Variants in AKAP7 observed in about 807,000 individuals in gnomAD.
AKAP7 encodes A-kinase anchoring protein 7, also known as A kinase (PRKA) anchor protein 7.
AKAP7 carries 39 observed loss-of-function variants against 39.5 expected under a neutral mutation model. That is an observed-to-expected ratio of 0.99 (90% CI 0.76 to 1.29). The LOEUF (loss-of-function observed/expected upper bound fraction) is 1.29, where lower values mean the gene tolerates loss of function less well. Ranked by LOEUF, AKAP7 falls within the 50% of genes most tolerant of loss-of-function variation. The pLI is 0.00. For missense variants in AKAP7, 414 were observed against 407.7 expected (o/e 1.02, Z -0.13); for synonymous variants, 140 against 139.1 (o/e 1.01, Z -0.05).
At chr6:131,248,445 A>G (rs751878852) in intron 7 of AKAP7, among the ~76,000 whole-genome samples, 8 of 152,226 alleles carry the variant, frequency 5.3e-5, no homozygotes, top group African/African-American at 9.6e-5. Context: ...CGTTCCCTGC[A>G]AATACATCTT....
chr6:131,231,231 AT>A (rs1225512165), intron 7 of AKAP7, among the ~76,000 whole-genome samples: 1 of 152,212 alleles, frequency 6.6e-6, no homozygotes, highest in Non-Finnish European at 1.5e-5. Context: ...TGTAACAAGT[AT>A]AAAAATGCCC....
intron 6 of AKAP7, among the ~76,000 whole-genome samples, chr6:131,209,467 G>A (rs1562215300): frequency 1.3e-5 from 2 of 152,032 alleles, no homozygotes; most frequent in African/African-American, 2.4e-5. Context: ...AGCCAGGATG[G>A]TCTGGATCTC....
Position 131,160,136 on chromosome 6 carries a change from A to G in AKAP7, c.229A>G (p.Lys77Glu), listed in dbSNP as rs1802813049. The G allele has an allele frequency of 6.2e-7, 1 of 1,609,900 alleles. No homozygotes were observed. The highest frequency in any genetic ancestry group is 1.7e-5 in the Admixed American group (1 of 58,968). ...CAAGAGTGATCAAGTAAAGAAGAGG[A>G]AAAAAAAGAGAAAAGATTATCAACC... ...WVKSDQVKKRKKKRKDYQPNY... is the reference protein window; with the variant it reads ...WVKSDQVKKREKKRKDYQPNY... The change falls in exon 3 of 8, where the codon AAA becomes GAA. Residue 77 changes from lysine (K) to glutamate (E), a missense_variant. Physicochemically the swap from Lys to Glu is moderately conservative, Grantham distance 56 (BLOSUM62 1). Coordinates refer to ENST00000431975, the MANE Select transcript of AKAP7 (RefSeq NM_016377.4).
chr6:131,187,026 G>C (rs1041971086), intron 5 of AKAP7, among the ~76,000 whole-genome samples: 1 of 152,118 alleles, frequency 6.6e-6, no homozygotes, highest in African/African-American at 2.4e-5. Flanking sequence ...CTGTAGATTT[G>C]TAGTAACTTT....
intron 7 of AKAP7, among the ~76,000 whole-genome samples, chr6:131,245,335 C>G (rs931335355): frequency 1.3e-5 from 2 of 151,458 alleles, no homozygotes; most frequent in Non-Finnish European, 1.5e-5. Context: ...ACCGCCACCT[C>G]CCAGGTTCAT....
intron 7 of AKAP7, among the ~76,000 whole-genome samples, chr6:131,278,034 C>T (rs1263491200): frequency 6.6e-6 from 1 of 152,064 alleles, no homozygotes; most frequent in Middle Eastern, 3.2e-3. Context: ...AATTTCTGGT[C>T]ATTGGTGTGC....
chr6:131,189,221 G>C (rs1439530798), intron 5 of AKAP7, among the ~76,000 whole-genome samples: 2 of 152,154 alleles, frequency 1.3e-5, no homozygotes, highest in African/African-American at 4.8e-5. Flanking sequence ...AAATTTACAA[G>C]TACAGTTTCT....
intron 7 of AKAP7, among the ~76,000 whole-genome samples, chr6:131,239,908 G>A (rs1432005020): frequency 5.9e-5 from 9 of 152,188 alleles, no homozygotes; most frequent in East Asian, 5.8e-4. Context: ...CTCTCAACTT[G>A]TCAAAGTCAT....
chr6:131,206,451 T>C lies in AKAP7; in HGVS notation c.702+6878T>C, dbSNP rs557015717. 1.8e-4 allele frequency among the ~76,000 whole-genome samples: 28 copies of C among 152,240 alleles called. No individual in the cohort carries two copies. In the South Asian group the frequency reaches 2.9e-3, roughly 16 times the overall value. On this transcript the variant is annotated intron_variant, in intron 6 of 7. Coordinates refer to ENST00000431975, the MANE Select transcript of AKAP7 (RefSeq NM_016377.4). ...AAAAGTAAGGGCTGAAGGGTGATCATTGGACCTGATGATGATGATGATGTT... is the reference window on the plus strand; with the variant it reads ...AAAAGTAAGGGCTGAAGGGTGATCACTGGACCTGATGATGATGATGATGTT...
At position 131,199,496 on chromosome 6, in the gene AKAP7, C is replaced by G. The variant is rs1369521860; in HGVS notation, c.625C>G (p.Leu209Val). Reference protein sequence around the residue: ...ANRTFQEKGILVGESRSFKPH... With the variant: ...ANRTFQEKGIVVGESRSFKPH... ...TAGGACATTTCAAGAAAAAGGCATC[C>G]TGGTAGGAGAGAGCAGAAGTTTTAA... is the stretch of plus-strand genomic sequence containing the variant. The change falls in exon 6 of 8, where the codon CTG becomes GTG. Residue 209 changes from leucine to valine, a missense_variant. Physicochemically the swap from Leu to Val is conservative, Grantham distance 32. Transcript: ENST00000431975. The G allele has an allele frequency of 3.1e-6, 5 of 1,608,884 alleles. No individual in the cohort carries two copies. The highest frequency in any genetic ancestry group is 3.4e-5 in the Admixed American group (2 of 59,540).
At chr6:131,242,731 G>A (rs1035622966) in intron 7 of AKAP7, among the ~76,000 whole-genome samples, 3 of 152,032 alleles carry the variant, frequency 2.0e-5, no homozygotes, top group Admixed American at 6.6e-5. Context: ...CTTCTTCCTA[G>A]TGATTAGTGA....
intron 1 of AKAP7, chr6:131,137,250 T>C (rs1385264933): frequency 6.6e-6 from 1 of 152,064 alleles, no homozygotes; most frequent in African/African-American, 2.4e-5. Context: ...CTTGCTCAGC[T>C]GGGATAAATT....
chr6:131,188,717 C>CT (rs201808987), intron 5 of AKAP7, among the ~76,000 whole-genome samples: 12,433 of 138,196 alleles, frequency 0.09, 1,061 homozygotes, highest in East Asian at 0.46. Context: ...TTTTGTACTT[C>CT]TTTTTTTTTT....
At chr6:131,272,784 C>A (rs1469693484) in intron 7 of AKAP7, among the ~76,000 whole-genome samples, 1 of 152,112 alleles carries the variant, frequency 6.6e-6, no homozygotes, top group Non-Finnish European at 1.5e-5. Context: ...TCTCTCTTGG[C>A]AAAGGTTTTC....
At chr6:131,135,213 T>G (rs187184787), upstream of AKAP7, among the ~76,000 whole-genome samples, 133 of 152,342 alleles carry the variant, frequency 8.7e-4, no homozygotes, top group African/African-American at 3.0e-3. Flanking sequence ...TCTTTCATCC[T>G]AGTCCCAATC....
At chr6:131,206,488 A>T (rs1808107337) in intron 6 of AKAP7, among the ~76,000 whole-genome samples, 1 of 152,186 alleles carries the variant, frequency 6.6e-6, no homozygotes, top group South Asian at 2.1e-4. Context: ...AGGGGAGTGG[A>T]GAAGAGGATA....
At chr6:131,258,628 A>G (rs1813055196) in intron 7 of AKAP7, among the ~76,000 whole-genome samples, 1 of 152,182 alleles carries the variant, frequency 6.6e-6, no homozygotes, top group African/African-American at 2.4e-5. Context: ...TTTCAGTTGC[A>G]TGGTAAAGTT....
chr6:131,253,790 C>A (rs1283422657), intron 7 of AKAP7, among the ~76,000 whole-genome samples: 1 of 152,090 alleles, frequency 6.6e-6, no homozygotes, highest in Non-Finnish European at 1.5e-5. Context: ...ATCCATGTTG[C>A]TGAAAATGAC....
chr6:131,257,537 C>T (rs12193505), intron 7 of AKAP7, among the ~76,000 whole-genome samples: 18,830 of 152,088 alleles, frequency 0.12, 1,294 homozygotes, highest in Admixed American at 0.2. Flanking sequence ...AACTCTTTCC[C>T]CCACTTCTTG....
Sources: gnomAD v4.1 joint callset for allele counts (sites outside exome capture counted in the v4.1 genomes callset) on GRCh38, gnomAD v4.1.1 for gene constraint, MANE v1.5 for transcripts, NCBI Gene and HGNC (gene_info 2026-07-23, HGNC 2026-07-21) for gene names.